The following CBFA2T3 variants were observed in gnomAD, a reference collection of about 807,000 sequenced individuals.
CBFA2T3 encodes the protein CBFA2/RUNX1 partner transcriptional co-repressor 3.
Under a neutral mutation model 58.6 loss-of-function variants are expected in CBFA2T3, and 31 were observed. That is an observed-to-expected ratio of 0.53 (90% CI 0.40 to 0.71). The LOEUF (loss-of-function observed/expected upper bound fraction) is 0.71. CBFA2T3 is among the 30% of genes least tolerant of loss of function. The probability of loss-of-function intolerance (pLI) is 0.00; values close to 1 mark genes in which losing one functional copy is unlikely to be tolerated. For missense variants in CBFA2T3, 1,076 were observed against 963.1 expected (o/e 1.12, Z -1.55); for synonymous variants, 531 against 421.9 (o/e 1.26, Z -3.17).
intron 1 of CBFA2T3, among the ~76,000 whole-genome samples, chr16:88,905,689 G>C (rs945993275): frequency 2.8e-5 from 4 of 144,074 alleles, no homozygotes; most frequent in African/African-American, 7.9e-5. Flanking sequence ...AGGAGGGGCG[G>C]GGCTGAAGGA....
rs369167445 is a variant in CBFA2T3 at position 88,927,941 on chromosome 16, T to C, written c.152-26285A>G. 5.3e-5 allele frequency among the ~76,000 whole-genome samples: 8 copies of C among 152,270 alleles called. No individual in the cohort carries two copies. In the South Asian group the frequency reaches 1.5e-3, roughly 28 times the overall value. On this transcript the variant is annotated intron_variant, in intron 1 of 11. Transcript: ENST00000268679. Reference sequence around the variant, plus strand: ...TGCTGACACGGGCAACCCTGCCCAGTGTGGGGCGTCCTCTGAAGTGGGAGC... The same window carrying C: ...TGCTGACACGGGCAACCCTGCCCAGCGTGGGGCGTCCTCTGAAGTGGGAGC...
chr16:88,968,354 G>GC (rs1362120218), intron 1 of CBFA2T3, among the ~76,000 whole-genome samples: 1 of 152,186 alleles, frequency 6.6e-6, no homozygotes, highest in Non-Finnish European at 1.5e-5. Context: ...CGCCCGGAGA[G>GC]CCCCCCAGGT....
chr16:88,935,952 G>C, intron 1 of CBFA2T3, among the ~76,000 whole-genome samples: 1 of 152,134 alleles, frequency 6.6e-6, no homozygotes, highest in Non-Finnish European at 1.5e-5. Flanking sequence ...AATCCAGGTG[G>C]GGGCTCCAAG....
At chr16:88,940,115 G>C (rs1240507677) in intron 1 of CBFA2T3, 1 of 153,908 alleles carries the variant, frequency 6.5e-6, no homozygotes, top group Non-Finnish European at 1.5e-5. Flanking sequence ...CACGCGACGT[G>C]CTCTCTTTTC....
In CBFA2T3 at chr16:88,927,116, C is replaced by T. The variant is rs185702292; in HGVS notation, c.152-25460G>A. Among the ~76,000 whole-genome samples the T allele has an allele frequency of 4.3e-3, 658 of 152,346 alleles. 1 individual carries two copies. The highest frequency in any genetic ancestry group is 0.017 in the Middle Eastern group (5 of 294). Reference sequence around the variant, plus strand: ...TCGCTGCTCCCTTCCTTCACTCTGTCTCTGCCAGACGGAGCAGCAGCCCCG... The same window carrying T: ...TCGCTGCTCCCTTCCTTCACTCTGTTTCTGCCAGACGGAGCAGCAGCCCCG... On this transcript the variant is annotated intron_variant, in intron 1 of 11. Coordinates refer to ENST00000268679, the MANE Select transcript of CBFA2T3 (RefSeq NM_005187.6).
chr16:88,932,960 T>C (rs1971365338), intron 1 of CBFA2T3, among the ~76,000 whole-genome samples: 1 of 147,700 alleles, frequency 6.8e-6, no homozygotes, highest in Non-Finnish European at 1.5e-5. Flanking sequence ...CAGAGTGAGA[T>C]TGTGTCTGGG....
intron 1 of CBFA2T3, among the ~76,000 whole-genome samples, chr16:88,968,315 G>A (rs536773300): frequency 2.0e-3 from 300 of 152,342 alleles, no homozygotes; most frequent in Non-Finnish European, 3.3e-3. Context: ...GCCAGGAAGC[G>A]GCTGCCTGCT....
chr16:88,950,208 T>TGTCTTCCGGATCTGTTCACCCCTCCCCC, intron 1 of CBFA2T3: 1 of 443,210 alleles, frequency 2.3e-6, no homozygotes, highest in African/African-American at 2.1e-5. Flanking sequence ...ACCCCTCCCC[T>TGTCTTCCGGATCTGTTCACCCCTCCCCC]GGACCGGCAC....
At chr16:88,880,288 C>T (rs1163916791) in intron 10 of CBFA2T3, among the ~76,000 whole-genome samples, 1 of 152,176 alleles carries the variant, frequency 6.6e-6, no homozygotes, top group East Asian at 1.9e-4. Context: ...TCTGGCTCTG[C>T]CCCAGCCCCT....
At chr16:88,971,847 C>T (rs1007278889) in intron 1 of CBFA2T3, among the ~76,000 whole-genome samples, 11 of 152,250 alleles carry the variant, frequency 7.2e-5, no homozygotes, top group Non-Finnish European at 1.2e-4. Flanking sequence ...TTCCTGCCTG[C>T]GCCTCCCCGG....
chr16:88,891,701 CCTA>C (rs1969637617), intron 5 of CBFA2T3, among the ~76,000 whole-genome samples, 178 bp downstream of exon 5: 1 of 152,076 alleles, frequency 6.6e-6, no homozygotes, highest in Non-Finnish European at 1.5e-5. Flanking sequence ...GCAGTGCTCC[CCTA>C]GGGTACCACA....
At position 88,885,847 on chromosome 16, in the gene CBFA2T3, G is replaced by C. The variant is rs1460748205; in HGVS notation, c.893+114C>G. On this transcript the variant is annotated intron_variant, in intron 6 of 11. Coordinates refer to ENST00000268679, the MANE Select transcript of CBFA2T3 (RefSeq NM_005187.6). The surrounding 1 kb of genome is among the most constrained non-coding windows in gnomAD (Gnocchi z 5.3). ...CGCCACGCTCCCTCAGCCCGAGAGAGCCGGCCGGGCTGGCTGCAGCCCCAG... is the reference window on the plus strand; with the variant it reads ...CGCCACGCTCCCTCAGCCCGAGAGACCCGGCCGGGCTGGCTGCAGCCCCAG... 4 of 940,766 alleles carry C rather than the reference G, an allele frequency of 4.3e-6. No individual in the cohort carries two copies. The East Asian group carries it at 1.1e-4, about 25-fold the overall frequency. 58.3% of individuals were successfully genotyped at this position (940,766 alleles called of 1,614,324 possible).
chr16:88,924,373 A>G (rs1444472444), intron 1 of CBFA2T3, among the ~76,000 whole-genome samples: 1 of 152,048 alleles, frequency 6.6e-6, no homozygotes, highest in Non-Finnish European at 1.5e-5. Context: ...CGCCGACCAC[A>G]AGGAGGCTAG....
At chr16:88,975,908 C>T (rs776828326) in intron 1 of CBFA2T3, among the ~76,000 whole-genome samples, 166 of 152,362 alleles carry the variant, frequency 1.1e-3, no homozygotes, top group Non-Finnish European at 2.1e-3. Context: ...CCCCGCGAGA[C>T]GGGAGACTGT....
chr16:88,908,778 A>G (rs951687668), intron 1 of CBFA2T3, among the ~76,000 whole-genome samples: 1 of 152,256 alleles, frequency 6.6e-6, no homozygotes, highest in Non-Finnish European at 1.5e-5. Context: ...GCCTTGGGGC[A>G]TAGGACGCTG....
intron 1 of CBFA2T3, among the ~76,000 whole-genome samples, chr16:88,967,884 C>T (rs1230970038): frequency 1.3e-5 from 2 of 152,218 alleles, no homozygotes; most frequent in African/African-American, 2.4e-5. Flanking sequence ...TGTGTGGAGG[C>T]GCCCACCCTC....
rs914688908 is a variant in CBFA2T3 at position 88,892,453 on chromosome 16, T to C, written c.412A>G (p.Ile138Val). ...MNGSSHSPTA[I>V]NGAPCTPNGF... ...TTGGGTGTGCACGGTGCACCATTGA[T>C]GGCTGTTGGTGAGTGGCTGCTGCCG... Residue 138 changes from isoleucine (I) to valine (V), a missense_variant, in exon 4 of 12, where the codon ATC (isoleucine) becomes GTC (valine). Transcript: ENST00000268679. 6.8e-6 allele frequency: 11 copies of C among 1,613,200 alleles called. No individual in the cohort carries two copies. In the African/African-American group the frequency reaches 1.1e-4, roughly 16 times the overall value.
Position 88,891,929 on chromosome 16 carries a change from C to T in CBFA2T3, c.664G>A (p.Glu222Lys), listed in dbSNP as rs1040951537. 1 of 1,613,508 alleles carries T rather than the reference C, an allele frequency of 6.2e-7. No individual in the cohort carries two copies. The highest frequency in any genetic ancestry group is 8.5e-7 in the Non-Finnish European group (1 of 1,179,924). Residue 222 changes from glutamate to lysine, a missense_variant, in exon 5 of 12, where the codon GAG becomes AAG. Glu to Lys is a moderately conservative substitution (Grantham distance 56). Transcript: ENST00000268679. ...TIEEFHSKLQ[E>K]ATNFPLRPFV... is the part of the protein sequence containing the mutation. ...GGCCGCAGAGGGAAGTTGGTGGCCT[C>T]CTGAAGCTTGGAATGAAACTCCTCG... is the stretch of plus-strand genomic sequence containing the variant.
intron 1 of CBFA2T3, among the ~76,000 whole-genome samples, chr16:88,957,436 C>T (rs755949132): frequency 5.9e-5 from 9 of 152,208 alleles, no homozygotes; most frequent in Non-Finnish European, 1.0e-4. Flanking sequence ...CAAACGGGGT[C>T]GGAGCTTGCA....
Sources: gnomAD v4.1 joint callset for allele counts (sites outside exome capture counted in the v4.1 genomes callset) on GRCh38, gnomAD v4.1.1 for gene constraint, Gnocchi (gnomAD v3.1) non-coding constraint, MANE v1.5 for transcripts, NCBI Gene and HGNC (gene_info 2026-07-23, HGNC 2026-07-21) for gene names.